Variants in CCDC30 observed in about 807,000 individuals in gnomAD.
CCDC30 encodes coiled-coil domain containing 30.
A neutral mutation model predicts 100.2 loss-of-function variants in CCDC30; 70 were observed. The observed-to-expected ratio is 0.70, with a 90% confidence interval of 0.58 to 0.85. The LOEUF is 0.85. Ranked by LOEUF, CCDC30 falls within the 40% of genes least tolerant of loss-of-function variation. The pLI, the probability that CCDC30 is intolerant of heterozygous loss-of-function variation, is 0.00. For synonymous variants in CCDC30, 233 were observed against 269.5 expected (o/e 0.86, Z 1.33); for missense variants, 652 against 771.2 (o/e 0.85, Z 1.83).
intron 1 of CCDC30, among the ~76,000 whole-genome samples, chr1:42,465,046 GCTTTC>G (rs959034157): frequency 7.2e-5 from 11 of 152,204 alleles, no homozygotes; most frequent in Admixed American, 3.3e-4. Context: ...ATTGTAAGGG[GCTTTC>G]CTTTCCTTTC....
At chr1:42,562,226 C>G (rs1344590906) in intron 6 of CCDC30, among the ~76,000 whole-genome samples, 1 of 152,162 alleles carries the variant, frequency 6.6e-6, no homozygotes, top group Non-Finnish European at 1.5e-5. Flanking sequence ...CTACATTAAC[C>G]AAAACAGCAT....
intron 6 of CCDC30, among the ~76,000 whole-genome samples, chr1:42,555,479 G>A (rs184502817): frequency 6.6e-6 from 1 of 152,228 alleles, no homozygotes; most frequent in East Asian, 1.9e-4. Flanking sequence ...GCTCCTTGGG[G>A]CACAGATCAT....
chr1:42,573,278 G>A (rs1645770693), intron 7 of CCDC30, among the ~76,000 whole-genome samples: 1 of 152,072 alleles, frequency 6.6e-6, no homozygotes. Context: ...AATTTAAGAA[G>A]AGAGTATGTG....
chr1:42,510,042 G>A, intron 6 of CCDC30: 8 of 984,728 alleles, frequency 8.1e-6, no homozygotes, highest in Non-Finnish European at 9.6e-6. Flanking sequence ...AAATACCATA[G>A]AAAAGTCTCG....
At chr1:42,531,631 G>A (rs1047558028) in intron 6 of CCDC30, among the ~76,000 whole-genome samples, 6 of 152,058 alleles carry the variant, frequency 3.9e-5, no homozygotes, top group Admixed American at 2.0e-4. Flanking sequence ...GCGTGGCGGC[G>A]CATGCCTGTA....
chr1:42,608,847 G>C (rs902553564), intron 10 of CCDC30, among the ~76,000 whole-genome samples: 7 of 151,736 alleles, frequency 4.6e-5, no homozygotes, highest in African/African-American at 1.2e-4. Context: ...AGTGCCACAT[G>C]ATGAGGAAGA....
At chr1:42,580,031 T>C (rs1400855004) in intron 8 of CCDC30, among the ~76,000 whole-genome samples, 2 of 152,094 alleles carry the variant, frequency 1.3e-5, no homozygotes, top group African/African-American at 4.8e-5. Flanking sequence ...TGGAGAGGGA[T>C]GAGGGATAAT....
At chr1:42,608,852 G>A (rs935328734) in intron 10 of CCDC30, among the ~76,000 whole-genome samples, 23 of 151,946 alleles carry the variant, frequency 1.5e-4, no homozygotes, top group Non-Finnish European at 1.6e-4. Context: ...CACATGATGA[G>A]GAAGAAAACA....
chr1:42,508,101 T>G (rs1434431467), intron 6 of CCDC30, among the ~76,000 whole-genome samples: 1 of 152,242 alleles, frequency 6.6e-6, no homozygotes, highest in Non-Finnish European at 1.5e-5. Flanking sequence ...GTTTCTTAAT[T>G]GGATTACTGG....
At chr1:42,629,925 C>T (rs539251372) in intron 11 of CCDC30, among the ~76,000 whole-genome samples, 1 of 148,622 alleles carries the variant, frequency 6.7e-6, no homozygotes, top group South Asian at 2.1e-4. Context: ...TGTGTCTTTT[C>T]CTACACGCTC....
chr1:42,619,798 C>T (rs1439818187), intron 11 of CCDC30, among the ~76,000 whole-genome samples: 1 of 152,174 alleles, frequency 6.6e-6, no homozygotes, highest in African/African-American at 2.4e-5. Flanking sequence ...ATCCCCGCCC[C>T]CCATCCACCT....
At chr1:42,509,068 G>A (rs1202026560) in intron 6 of CCDC30, among the ~76,000 whole-genome samples, 3 of 152,102 alleles carry the variant, frequency 2.0e-5, no homozygotes, top group Non-Finnish European at 4.4e-5. Flanking sequence ...ACTTAGCTGC[G>A]AGTGTATGAG....
chr1:42,656,498 G>T (rs1648663679), downstream of CCDC30, among the ~76,000 whole-genome samples: 2 of 152,274 alleles, frequency 1.3e-5, no homozygotes, highest in East Asian at 3.9e-4. Flanking sequence ...GGGTATGGTG[G>T]TGCACACCTG....
intron 6 of CCDC30, among the ~76,000 whole-genome samples, chr1:42,560,591 G>A (rs779042822): frequency 2.0e-5 from 3 of 151,944 alleles, no homozygotes; most frequent in South Asian, 2.1e-4. Flanking sequence ...GGCTGGTCTC[G>A]AACACCTGAC....
chr1:42,544,406 G>A (rs548339468), intron 6 of CCDC30, among the ~76,000 whole-genome samples: 22 of 152,322 alleles, frequency 1.4e-4, no homozygotes, highest in African/African-American at 5.1e-4. Context: ...TACATGGGAG[G>A]CTTATTTAAA....
chr1:42,616,975 G>GA (rs142317705), intron 11 of CCDC30, among the ~76,000 whole-genome samples: 2,655 of 152,274 alleles, frequency 0.017, 72 homozygotes, highest in African/African-American at 0.061. Context: ...AACAATGTGG[G>GA]AAAATGCTTA....
chr1:42,620,713 A>T (rs1283159402), intron 11 of CCDC30, among the ~76,000 whole-genome samples: 2 of 152,244 alleles, frequency 1.3e-5, no homozygotes, highest in African/African-American at 4.8e-5. Context: ...GAAAGGATAC[A>T]GATTAAAATC....
chr1:42,463,365 G>A (rs1643467120), exon 1 of CCDC30: 1 of 152,196 alleles, frequency 6.6e-6, no homozygotes, highest in Non-Finnish European at 1.5e-5. Context: ...GGACGCTCGC[G>A]GCACCCTCCG....
chr1:42,546,854 C>A (rs1217787969), intron 6 of CCDC30, among the ~76,000 whole-genome samples: 2 of 152,010 alleles, frequency 1.3e-5, no homozygotes, highest in African/African-American at 4.8e-5. Flanking sequence ...TTAATAGTTG[C>A]AATCAAATTT....
Sources: gnomAD v4.1 joint callset for allele counts (sites outside exome capture counted in the v4.1 genomes callset) on GRCh38, gnomAD v4.1.1 for gene constraint, MANE v1.5 for transcripts, NCBI Gene and HGNC (gene_info 2026-07-23, HGNC 2026-07-21) for gene names.